The following SAMTOR variants were observed in gnomAD, a reference collection of about 807,000 sequenced individuals.
SAMTOR encodes S-adenosylmethionine sensor upstream of mTORC1.
At chr7:112,837,131 T>C in the SAMTOR span, among the ~76,000 whole-genome samples, 37 of 152,192 alleles carry the variant, frequency 2.4e-4, 1 homozygote, top group Admixed American at 1.9e-3. Flanking sequence ...GTTTTGCAAT[T>C]CTTGTTGCAG....
At chr7:112,907,608 T>A in the SAMTOR span, among the ~76,000 whole-genome samples, 1 of 150,942 alleles carries the variant, frequency 6.6e-6, no homozygotes, top group Non-Finnish European at 1.5e-5. Flanking sequence ...CAAGAAAAAT[T>A]AGAGACCAAA....
chr7:112,934,039 C>T, the SAMTOR span, among the ~76,000 whole-genome samples: 5 of 152,016 alleles, frequency 3.3e-5, no homozygotes, highest in Admixed American at 1.3e-4. Context: ...CATAATTTTA[C>T]GTTTTCTTGA....
chr7:112,920,708 C>T, the SAMTOR span, among the ~76,000 whole-genome samples: 1 of 146,008 alleles, frequency 6.8e-6, no homozygotes, highest in Non-Finnish European at 1.5e-5. Flanking sequence ...ACCCCACTGT[C>T]TCAGCCCAAA....
At chr7:112,849,065 A>G in the SAMTOR span, among the ~76,000 whole-genome samples, 1 of 151,556 alleles carries the variant, frequency 6.6e-6, no homozygotes, top group Non-Finnish European at 1.5e-5. Flanking sequence ...AAAAAAAACA[A>G]AGAAAAAATT....
At chr7:112,878,981 A>C in the SAMTOR span, among the ~76,000 whole-genome samples, 3 of 152,064 alleles carry the variant, frequency 2.0e-5, no homozygotes, top group African/African-American at 7.2e-5. Context: ...CTTGGTGATT[A>C]ACCAGATGTG....
chr7:112,903,802 T>C, the SAMTOR span, among the ~76,000 whole-genome samples: 1 of 152,154 alleles, frequency 6.6e-6, no homozygotes, highest in East Asian at 1.9e-4. Flanking sequence ...CTACGTATCT[T>C]GTAACAAAAT....
the SAMTOR span, among the ~76,000 whole-genome samples, chr7:112,838,903 C>T: frequency 2.7e-5 from 4 of 150,902 alleles, no homozygotes; most frequent in Non-Finnish European, 4.4e-5. Context: ...AATGAGGGAA[C>T]GGAGGGAAAA....
the SAMTOR span, among the ~76,000 whole-genome samples, chr7:112,881,907 C>G: frequency 1.3e-5 from 2 of 152,224 alleles, no homozygotes; most frequent in East Asian, 3.9e-4. Flanking sequence ...GGCCCCCTAC[C>G]CCGCTTGACA....
chr7:112,851,333 A>G, the SAMTOR span, among the ~76,000 whole-genome samples: 2 of 152,150 alleles, frequency 1.3e-5, no homozygotes, highest in Admixed American at 6.6e-5. Context: ...ACAGTGTGGT[A>G]TTAGTATGAA....
At chr7:112,824,116 A>C in the SAMTOR span, among the ~76,000 whole-genome samples, 1 of 152,086 alleles carries the variant, frequency 6.6e-6, no homozygotes, top group Non-Finnish European at 1.5e-5. Context: ...TTTTCTCAGT[A>C]TCATGTGGCT....
At chr7:112,833,413 C>G in the SAMTOR span, among the ~76,000 whole-genome samples, 1 of 152,154 alleles carries the variant, frequency 6.6e-6, no homozygotes, top group East Asian at 1.9e-4. Context: ...TACCCTTAGA[C>G]TTTTTCCCAG....
chr7:112,856,432 T>C, the SAMTOR span, among the ~76,000 whole-genome samples: 1 of 152,012 alleles, frequency 6.6e-6, no homozygotes, highest in South Asian at 2.1e-4. Context: ...GTATTTTTAG[T>C]AGAGATGGGG....
chr7:112,831,155 AAAATGCATTTTGTAACTATTT>A, the SAMTOR span, among the ~76,000 whole-genome samples: 7 of 152,350 alleles, frequency 4.6e-5, 1 homozygote, highest in South Asian at 1.4e-3. Flanking sequence ...AAATAACATT[AAAATGCATTTTGTAACTATTT>A]AAATGCATTT....
the SAMTOR span, chr7:112,821,784 GGAATAGA>G: frequency 6.2e-7 from 1 of 1,610,906 alleles, no homozygotes; most frequent in Non-Finnish European, 8.5e-7. Context: ...CTCATAGAAA[GGAATAGA>G]GCTGGCTTGA....
the SAMTOR span, among the ~76,000 whole-genome samples, chr7:112,859,277 G>A: frequency 6.6e-6 from 1 of 152,096 alleles, no homozygotes; most frequent in Non-Finnish European, 1.5e-5. Context: ...AGTCAATAAT[G>A]GATGGCATAT....
At chr7:112,883,619 C>T in the SAMTOR span, among the ~76,000 whole-genome samples, 6 of 152,170 alleles carry the variant, frequency 3.9e-5, no homozygotes, top group African/African-American at 1.4e-4. Flanking sequence ...GGTAATGCTT[C>T]TTAGAGCACT....
the SAMTOR span, among the ~76,000 whole-genome samples, chr7:112,935,470 T>A: frequency 6.6e-6 from 1 of 152,188 alleles, no homozygotes; most frequent in Admixed American, 6.5e-5. Flanking sequence ...GAATAGTCAA[T>A]CACAAATATA....
the SAMTOR span, among the ~76,000 whole-genome samples, chr7:112,893,704 C>T: frequency 6.6e-6 from 1 of 152,202 alleles, no homozygotes; most frequent in Non-Finnish European, 1.5e-5. Context: ...GAGATCCAGA[C>T]CGTCCTGGCC....
At chr7:112,905,726 T>C in the SAMTOR span, among the ~76,000 whole-genome samples, 1 of 152,054 alleles carries the variant, frequency 6.6e-6, no homozygotes, top group African/African-American at 2.4e-5. Context: ...TTCAAACCCA[T>C]TCCTAATATA....
Sources: gnomAD v4.1 joint callset for allele counts (sites outside exome capture counted in the v4.1 genomes callset) on GRCh38, gnomAD v4.1.1 for gene constraint, MANE v1.5 for transcripts, NCBI Gene and HGNC (gene_info 2026-07-23, HGNC 2026-07-21) for gene names.